Variants in HIVEP3 observed in about 807,000 individuals in gnomAD.
HIVEP3 encodes the protein HIVEP zinc finger 3, also known as transcription factor HIVEP3.
HIVEP3 carries 49 observed loss-of-function variants against 152.8 expected under a neutral mutation model. The ratio of observed to expected loss-of-function variants is 0.32; its 90% CI spans 0.26 to 0.41. The LOEUF (loss-of-function observed/expected upper bound fraction) is 0.41. Ranked by LOEUF, HIVEP3 falls within the 10% of genes least tolerant of loss-of-function variation. The pLI is 1.00. For missense variants in HIVEP3, 2,790 were observed against 3,103.3 expected, an observed-to-expected ratio of 0.90 and a Z score of 2.40; for synonymous variants, 1,269 against 1,289.0, an observed-to-expected ratio of 0.98 and a Z score of 0.33.
intron 1 of HIVEP3, among the ~76,000 whole-genome samples, chr1:41,805,003 G>A (rs1224631233): frequency 7.9e-5 from 12 of 152,188 alleles, no homozygotes; most frequent in Non-Finnish European, 1.6e-4. Context: ...GACCCATGAG[G>A]CCAATCATTA....
At chr1:42,024,321 G>T in intron 1 of HIVEP3, among the ~76,000 whole-genome samples, 1 of 151,926 alleles carries the variant, frequency 6.6e-6, no homozygotes, top group Non-Finnish European at 1.5e-5. Context: ...TTGATACATT[G>T]CTTATTATTT....
At chr1:41,757,287 T>G (rs1647368524) in intron 1 of HIVEP3, among the ~76,000 whole-genome samples, 1 of 151,794 alleles carries the variant, frequency 6.6e-6, no homozygotes, top group South Asian at 2.1e-4. Flanking sequence ...GGCTAATTTT[T>G]TTTGTATTTT....
chr1:41,614,472 G>T (rs76980551), intron 3 of HIVEP3, among the ~76,000 whole-genome samples: 3,695 of 152,266 alleles, frequency 0.024, 152 homozygotes, highest in African/African-American at 0.084. Context: ...CTTTCTGCAG[G>T]GCTTCAGTTC....
At chr1:41,801,092 G>A (rs569717270) in intron 1 of HIVEP3, among the ~76,000 whole-genome samples, 15 of 152,328 alleles carry the variant, frequency 9.8e-5, no homozygotes, top group African/African-American at 3.1e-4. Context: ...GAGGTCAGAA[G>A]ACAGGCAGTG....
At chr1:41,545,038 A>ACCACCACCACCAC (rs1643701058) in intron 5 of HIVEP3, among the ~76,000 whole-genome samples, 1 of 16,628 alleles carries the variant, frequency 6.0e-5, no homozygotes. Context: ...ACCACCACCA[A>ACCACCACCACCAC]TACCACTACC....
At chr1:42,026,622 G>A (rs1645583919) in intron 1 of HIVEP3, among the ~76,000 whole-genome samples, 1 of 152,090 alleles carries the variant, frequency 6.6e-6, no homozygotes, top group African/African-American at 2.4e-5. Flanking sequence ...AGGGGAGGAA[G>A]GCATGCCTAG....
At chr1:41,666,817 TC>T (rs1264879200) in intron 2 of HIVEP3, among the ~76,000 whole-genome samples, 1 of 152,088 alleles carries the variant, frequency 6.6e-6, no homozygotes, top group Non-Finnish European at 1.5e-5. Flanking sequence ...AACCACCCGG[TC>T]TATTAGGGCC....
intron 1 of HIVEP3, among the ~76,000 whole-genome samples, chr1:42,029,581 C>A (rs554017469): frequency 6.6e-6 from 1 of 152,204 alleles, no homozygotes; most frequent in Admixed American, 6.5e-5. Flanking sequence ...CTAATGCCAT[C>A]TACACCTCTT....
chr1:41,558,832 G>A (rs547967722), intron 5 of HIVEP3, among the ~76,000 whole-genome samples: 1 of 152,136 alleles, frequency 6.6e-6, no homozygotes, highest in Non-Finnish European at 1.5e-5. Flanking sequence ...TGGTCACAAG[G>A]CCTAACCCAT....
At chr1:41,721,837 C>T (rs920084941) in intron 1 of HIVEP3, among the ~76,000 whole-genome samples, 2 of 152,188 alleles carry the variant, frequency 1.3e-5, no homozygotes, top group African/African-American at 2.4e-5. Context: ...TAACCCCACA[C>T]GGTGCTGTCC....
chr1:41,957,770 ACT>A (rs1645147755), intron 1 of HIVEP3, among the ~76,000 whole-genome samples: 1 of 152,134 alleles, frequency 6.6e-6, no homozygotes, highest in African/African-American at 2.4e-5. Context: ...GATTTAGCCA[ACT>A]CTCAGTCTGA....
At position 41,701,966 on chromosome 1, in the gene HIVEP3, G is replaced by C. The variant is rs192203758; in HGVS notation, c.-800-971C>G. Among the ~76,000 whole-genome samples the C allele has an allele frequency of 8.5e-5, 13 of 152,294 alleles. No individual in the cohort carries two copies. The East Asian group carries it at 2.5e-3, about 29-fold the overall frequency. ...TGGTTCAAGAAGGAGCTCCAGCTCT[G>C]CAGTGAGGTACACTTAAGCTTAAGC... On this transcript the variant is annotated intron_variant, in intron 1 of 8. Coordinates refer to ENST00000372583, the MANE Select transcript of HIVEP3 (RefSeq NM_024503.5).
At chr1:41,830,366 T>C (rs1642924853) in intron 1 of HIVEP3, among the ~76,000 whole-genome samples, 1 of 152,248 alleles carries the variant, frequency 6.6e-6, no homozygotes, top group African/African-American at 2.4e-5. Flanking sequence ...GGTGTTTTTA[T>C]GTCCTTCAGT....
Position 41,601,139 on chromosome 1 carries a change from C to G in HIVEP3, c.-521-15821G>C, listed in dbSNP as rs764636176. ...TGTCTGTCTTTATGTCAGTACCATA[C>G]TGTTTTGATTAGTGTAATTTTTTAT... is the stretch of plus-strand genomic sequence containing the variant. On this transcript the variant is annotated intron_variant, in intron 3 of 8. Coordinates refer to ENST00000372583, the MANE Select transcript of HIVEP3 (RefSeq NM_024503.5). Among the ~76,000 whole-genome samples, 11 of 152,122 alleles carry G rather than the reference C, an allele frequency of 7.2e-5. 1 individual carries two copies. The highest frequency in any genetic ancestry group is 2.6e-4 in the Admixed American group (4 of 15,260).
At chr1:41,614,032 G>A (rs1439670531) in intron 3 of HIVEP3, among the ~76,000 whole-genome samples, 1 of 152,216 alleles carries the variant, frequency 6.6e-6, no homozygotes, top group Non-Finnish European at 1.5e-5. Flanking sequence ...CACAATGCCT[G>A]TGAGATCACG....
At chr1:41,992,330 C>A (rs1050671416) in intron 1 of HIVEP3, among the ~76,000 whole-genome samples, 1 of 150,546 alleles carries the variant, frequency 6.6e-6, no homozygotes, top group Non-Finnish European at 1.5e-5. Context: ...GTACAAAAAT[C>A]ACAAGCATTC....
intron 1 of HIVEP3, among the ~76,000 whole-genome samples, chr1:41,867,554 G>T (rs145654563): frequency 6.6e-6 from 1 of 152,232 alleles, no homozygotes; most frequent in East Asian, 1.9e-4. Flanking sequence ...GTACTAGGCC[G>T]CAGGATGGCC....
chr1:41,695,043 A>G (rs1005869692), intron 2 of HIVEP3, among the ~76,000 whole-genome samples: 1 of 152,232 alleles, frequency 6.6e-6, no homozygotes, highest in Non-Finnish European at 1.5e-5. Context: ...AAACCAAGAC[A>G]GTCCCTAGAA....
At chr1:41,592,344 G>T (rs1175907926) in intron 3 of HIVEP3, among the ~76,000 whole-genome samples, 1 of 152,228 alleles carries the variant, frequency 6.6e-6, no homozygotes, top group Non-Finnish European at 1.5e-5. Flanking sequence ...TGGGCTGAAT[G>T]ATCTCAAGAT....
Sources: allele counts gnomAD v4.1 joint callset (sites outside exome capture counted in the v4.1 genomes callset), GRCh38; gene constraint gnomAD v4.1.1; transcripts MANE v1.5; gene names NCBI Gene and HGNC (gene_info 2026-07-23, HGNC 2026-07-21).